The following HEMK2 variants were observed in gnomAD, a reference collection of about 807,000 sequenced individuals.
The protein encoded by HEMK2 is methyltransferase HEMK2.
At chr21:28,690,869 A>G in the HEMK2 span, among the ~76,000 whole-genome samples, 1 of 152,124 alleles carries the variant, frequency 6.6e-6, no homozygotes, top group Non-Finnish European at 1.5e-5. Context: ...CTGTGTAAAA[A>G]CACAGCCATT....
At chr21:28,669,705 CT>C in the HEMK2 span, among the ~76,000 whole-genome samples, 2 of 152,166 alleles carry the variant, frequency 1.3e-5, no homozygotes, top group African/African-American at 4.8e-5. Context: ...TGAATCAGAG[CT>C]TTTTAGCCAA....
the HEMK2 span, among the ~76,000 whole-genome samples, chr21:28,682,535 A>T: frequency 6.6e-6 from 1 of 152,074 alleles, no homozygotes; most frequent in African/African-American, 2.4e-5. Flanking sequence ...CATTTGACCC[A>T]GCCATCCCAT....
the HEMK2 span, among the ~76,000 whole-genome samples, chr21:28,671,893 C>T: frequency 1.3e-3 from 199 of 152,230 alleles, no homozygotes; most frequent in African/African-American, 4.6e-3. Context: ...ATTTAATTTG[C>T]AAAACCTTTA....
chr21:28,851,762 T>G, the HEMK2 span, among the ~76,000 whole-genome samples: 3 of 152,178 alleles, frequency 2.0e-5, no homozygotes, highest in Admixed American at 1.3e-4. Flanking sequence ...GGAAAAGTGA[T>G]CAAGGTCTCT....
chr21:28,645,539 C>T, the HEMK2 span, among the ~76,000 whole-genome samples: 1 of 152,044 alleles, frequency 6.6e-6, no homozygotes, highest in Non-Finnish European at 1.5e-5. Flanking sequence ...TAAATTTCTG[C>T]ATACCATCAA....
chr21:28,647,508 C>CA, the HEMK2 span, among the ~76,000 whole-genome samples: 105,990 of 111,862 alleles, frequency 0.95, 50,390 homozygotes, highest in South Asian at 0.98. Flanking sequence ...AACTCCATCT[C>CA]AAAAAAAAAA....
chr21:28,819,852 C>T, the HEMK2 span, among the ~76,000 whole-genome samples: 1 of 151,982 alleles, frequency 6.6e-6, no homozygotes, highest in Non-Finnish European at 1.5e-5. Context: ...CTGGCTCCAC[C>T]TTTATTTTCT....
chr21:28,827,797 T>C, the HEMK2 span, among the ~76,000 whole-genome samples: 3 of 152,224 alleles, frequency 2.0e-5, no homozygotes, highest in East Asian at 5.8e-4. Flanking sequence ...TACAAGAAAT[T>C]GCATGCTGCT....
the HEMK2 span, among the ~76,000 whole-genome samples, chr21:28,589,111 C>G: frequency 4.0e-5 from 6 of 151,500 alleles, no homozygotes; most frequent in Admixed American, 1.3e-4. Flanking sequence ...ATAAAAAAGG[C>G]AAAACATTAT....
At chr21:28,588,812 T>A in the HEMK2 span, among the ~76,000 whole-genome samples, 1 of 151,808 alleles carries the variant, frequency 6.6e-6, no homozygotes, top group African/African-American at 2.4e-5. Context: ...TGAAACCCTG[T>A]CTCTACTAAA....
At chr21:28,632,712 A>G in the HEMK2 span, among the ~76,000 whole-genome samples, 3 of 152,204 alleles carry the variant, frequency 2.0e-5, no homozygotes, top group Non-Finnish European at 4.4e-5. Context: ...TATTTATAGA[A>G]AACTTTATCA....
chr21:28,841,882 A>G, the HEMK2 span, among the ~76,000 whole-genome samples: 1 of 152,314 alleles, frequency 6.6e-6, no homozygotes, highest in Non-Finnish European at 1.5e-5. Context: ...AACATTTCAC[A>G]CTTGTCTCAA....
At chr21:28,662,776 T>G in the HEMK2 span, among the ~76,000 whole-genome samples, 1 of 152,184 alleles carries the variant, frequency 6.6e-6, no homozygotes, top group Non-Finnish European at 1.5e-5. Context: ...ACTGTAAGTT[T>G]CCTGAGGCCT....
At chr21:28,592,049 C>A in the HEMK2 span, among the ~76,000 whole-genome samples, 8 of 152,102 alleles carry the variant, frequency 5.3e-5, no homozygotes, top group East Asian at 1.2e-3. Flanking sequence ...CAATTATATT[C>A]TTGTGGGTAT....
the HEMK2 span, among the ~76,000 whole-genome samples, chr21:28,696,051 A>G: frequency 1.1e-4 from 17 of 152,278 alleles, no homozygotes; most frequent in East Asian, 3.1e-3. Flanking sequence ...GCAAAAGGCA[A>G]AAGGCACATC....
the HEMK2 span, among the ~76,000 whole-genome samples, chr21:28,655,253 T>A: frequency 6.6e-6 from 1 of 152,080 alleles, no homozygotes; most frequent in Non-Finnish European, 1.5e-5. Flanking sequence ...ATGAATACAA[T>A]AAGTTTTTTA....
chr21:28,806,484 C>A, the HEMK2 span, among the ~76,000 whole-genome samples: 1 of 152,060 alleles, frequency 6.6e-6, no homozygotes, highest in Non-Finnish European at 1.5e-5. Context: ...AGAATGCCAC[C>A]TTATTTAGAA....
the HEMK2 span, among the ~76,000 whole-genome samples, chr21:28,680,340 G>C: frequency 1.2e-4 from 19 of 152,188 alleles, 1 homozygote; most frequent in East Asian, 2.5e-3. Context: ...ACCCTCCCAA[G>C]ACTAAACCAG....
the HEMK2 span, among the ~76,000 whole-genome samples, chr21:28,622,803 C>G: frequency 6.6e-6 from 1 of 152,022 alleles, no homozygotes; most frequent in Non-Finnish European, 1.5e-5. Context: ...GAAACTGGGC[C>G]CCTTCTTTAC....
Sources: allele counts gnomAD v4.1 joint callset (sites outside exome capture counted in the v4.1 genomes callset), GRCh38; gene constraint gnomAD v4.1.1; transcripts MANE v1.5; gene names NCBI Gene and HGNC (gene_info 2026-07-23, HGNC 2026-07-21).